Variants in PDE8A observed in about 807,000 individuals in gnomAD.
PDE8A encodes phosphodiesterase 8A.
PDE8A carries 59 observed loss-of-function variants against 105.0 expected under a neutral mutation model. That is an observed-to-expected ratio of 0.56 (90% CI 0.46 to 0.70). The LOEUF is 0.70. Ranked by LOEUF, PDE8A falls within the 30% of genes least tolerant of loss-of-function variation. The pLI is 0.00. For synonymous variants in PDE8A, 355 were observed against 371.9 expected (o/e 0.95, Z 0.52); for missense variants, 1,014 against 1,045.9 (o/e 0.97, Z 0.42).
chr15:85,027,119 T>G (rs1228009168), intron 1 of PDE8A, among the ~76,000 whole-genome samples: 1 of 152,228 alleles, frequency 6.6e-6, no homozygotes, highest in Non-Finnish European at 1.5e-5. Flanking sequence ...CTTTGGGACC[T>G]GTTTTCTTTG....
chr15:85,126,832 A>G (rs1213398390), intron 20 of PDE8A, among the ~76,000 whole-genome samples: 3 of 152,212 alleles, frequency 2.0e-5, no homozygotes, highest in Non-Finnish European at 2.9e-5. Flanking sequence ...GGCTAAAGAT[A>G]AATCTTGCAA....
chr15:85,087,390 A>G (rs898460606), intron 6 of PDE8A, among the ~76,000 whole-genome samples: 4 of 152,076 alleles, frequency 2.6e-5, no homozygotes, highest in Non-Finnish European at 4.4e-5. Flanking sequence ...TTGTAGAGAC[A>G]GGGTTTTGCC....
In PDE8A at chr15:84,988,267, A is replaced by G. The variant is rs563863307; in HGVS notation, c.186+5919A>G. On this transcript the variant is annotated intron_variant, in intron 1 of 21. Transcript: ENST00000394553. Reference sequence around the variant, plus strand: ...TGCTCTCTGTTAACTAGCTATGTTCATTGCATTTCCCATTCTTTGGTCTTC... The same window carrying G: ...TGCTCTCTGTTAACTAGCTATGTTCGTTGCATTTCCCATTCTTTGGTCTTC... 3.3e-4 allele frequency among the ~76,000 whole-genome samples: 50 copies of G among 152,254 alleles called. No individual in the cohort carries two copies. The East Asian group carries it at 7.5e-3, about 23-fold the overall frequency.
chr15:85,061,462 A>G lies in PDE8A; in HGVS notation c.187-2908A>G, dbSNP rs564640844. Among the ~76,000 whole-genome samples the G allele has an allele frequency of 9.2e-5, 14 of 151,988 alleles. 1 individual carries two copies. In the South Asian group the frequency reaches 2.7e-3, roughly 29 times the overall value. On this transcript the variant is annotated intron_variant, in intron 1 of 21. Transcript: ENST00000394553. ...ACCATGTTGGCCAGGCTGGTTTCGA[A>G]TTCCTGGCCTCAGGTGATCTGTCTG...
At chr15:85,015,081 T>C (rs1271745105) in intron 1 of PDE8A, among the ~76,000 whole-genome samples, 1 of 152,192 alleles carries the variant, frequency 6.6e-6, no homozygotes, top group Non-Finnish European at 1.5e-5. Flanking sequence ...TCAAGGTTCA[T>C]CCATGTTTTA....
chr15:85,056,081 T>A (rs28887294), intron 1 of PDE8A, among the ~76,000 whole-genome samples: 1 of 150,814 alleles, frequency 6.6e-6, no homozygotes, highest in Non-Finnish European at 1.5e-5. Flanking sequence ...TTAGTTTGGC[T>A]GGATATGAAA....
chr15:85,083,267 A>G (rs996056929), intron 5 of PDE8A, among the ~76,000 whole-genome samples: 4 of 152,208 alleles, frequency 2.6e-5, no homozygotes, highest in Non-Finnish European at 5.9e-5. Flanking sequence ...GTGACATGAA[A>G]ACAACCAAAA....
chr15:84,989,398 A>G (rs1048294668), intron 1 of PDE8A, among the ~76,000 whole-genome samples: 1 of 152,158 alleles, frequency 6.6e-6, no homozygotes, highest in Non-Finnish European at 1.5e-5. Flanking sequence ...TTCATGTCCT[A>G]TTAGGGAGTA....
chr15:85,093,663 G>A (rs933923847), intron 8 of PDE8A, among the ~76,000 whole-genome samples: 1 of 152,156 alleles, frequency 6.6e-6, no homozygotes, highest in African/African-American at 2.4e-5. Context: ...GTTGTCAGTG[G>A]CTCCTCTTTT....
At chr15:85,011,380 T>C (rs1318815686) in intron 1 of PDE8A, among the ~76,000 whole-genome samples, 2 of 152,218 alleles carry the variant, frequency 1.3e-5, no homozygotes, top group African/African-American at 2.4e-5. Flanking sequence ...AACTCAACCC[T>C]GTCTCTCCCT....
At chr15:84,987,878 T>TA (rs1054579748) in intron 1 of PDE8A, among the ~76,000 whole-genome samples, 1 of 151,844 alleles carries the variant, frequency 6.6e-6, no homozygotes, top group Non-Finnish European at 1.5e-5. Context: ...TAAAAAATTT[T>TA]AAAAAAAAGA....
intron 1 of PDE8A, among the ~76,000 whole-genome samples, chr15:85,055,297 G>A (rs1011690371): frequency 3.9e-5 from 6 of 152,300 alleles, no homozygotes; most frequent in Non-Finnish European, 8.8e-5. Flanking sequence ...TTGATTTGGG[G>A]TGGAGAGTTC....
chr15:84,996,305 G>A (rs939460192), intron 1 of PDE8A, among the ~76,000 whole-genome samples: 10 of 151,970 alleles, frequency 6.6e-5, no homozygotes, highest in Non-Finnish European at 1.0e-4. Flanking sequence ...AGCCTCCTGA[G>A]TAGCTGGGGC....
At chr15:85,012,918 G>A (rs1157987135) in intron 1 of PDE8A, among the ~76,000 whole-genome samples, 4 of 152,124 alleles carry the variant, frequency 2.6e-5, no homozygotes, top group Non-Finnish European at 4.4e-5. Flanking sequence ...TCTTACTTTG[G>A]AAACAAAAGA....
intron 2 of PDE8A, among the ~76,000 whole-genome samples, chr15:85,064,773 C>G (rs922790348): frequency 1.3e-5 from 2 of 152,052 alleles, no homozygotes; most frequent in Non-Finnish European, 2.9e-5. Context: ...TGAAACCAGC[C>G]TGGGCAACAT....
intron 11 of PDE8A, among the ~76,000 whole-genome samples, chr15:85,108,649 T>C (rs1230742984): frequency 1.3e-5 from 2 of 152,210 alleles, no homozygotes; most frequent in Non-Finnish European, 2.9e-5. Context: ...CCCTGGGATA[T>C]TGTAGTCCTT....
intron 1 of PDE8A, among the ~76,000 whole-genome samples, chr15:84,986,603 G>A (rs1037513088): frequency 7.1e-6 from 1 of 140,430 alleles, no homozygotes. Flanking sequence ...TTACAAAGTG[G>A]ATTAGTCAAA....
At chr15:84,999,240 C>A (rs781665796) in intron 1 of PDE8A, among the ~76,000 whole-genome samples, 23 of 151,366 alleles carry the variant, frequency 1.5e-4, no homozygotes, top group Non-Finnish European at 2.8e-4. Flanking sequence ...CCTGCCTCAG[C>A]CTCCCAAGCA....
intron 19 of PDE8A, among the ~76,000 whole-genome samples, 193 bp downstream of exon 19, chr15:85,123,386 A>AC (rs2082213349): frequency 7.1e-6 from 1 of 141,330 alleles, no homozygotes; most frequent in African/African-American, 2.7e-5. Context: ...ACACACACAC[A>AC]AAGGGGAGTT....
Sources: allele counts gnomAD v4.1 joint callset (sites outside exome capture counted in the v4.1 genomes callset), GRCh38; gene constraint gnomAD v4.1.1; transcripts MANE v1.5; gene names NCBI Gene and HGNC (gene_info 2026-07-23, HGNC 2026-07-21).